Variants in TUSC3 observed in about 807,000 individuals in gnomAD.
TUSC3 encodes the protein tumor suppressor candidate 3, also known as dolichyl-diphosphooligosaccharide--protein glycosyltransferase subunit TUSC3.
A neutral mutation model predicts 44.8 loss-of-function variants in TUSC3; 45 were observed. That is an observed-to-expected ratio of 1.00 (90% CI 0.79 to 1.29). The LOEUF (loss-of-function observed/expected upper bound fraction) is 1.29, where lower values mean the gene tolerates loss of function less well. Ranked by LOEUF, TUSC3 falls within the 50% of genes most tolerant of loss-of-function variation. The probability of loss-of-function intolerance (pLI) is 0.00; values close to 1 mark genes in which losing one functional copy is unlikely to be tolerated. For missense variants in TUSC3, 519 were observed against 437.9 expected, an observed-to-expected ratio of 1.19 and a Z score of -1.65; for synonymous variants, 212 against 152.9, an observed-to-expected ratio of 1.39 and a Z score of -2.85.
At chr8:15,751,253 A>G (rs1811689360) in intron 9 of TUSC3, among the ~76,000 whole-genome samples, 1 of 152,178 alleles carries the variant, frequency 6.6e-6, no homozygotes. Flanking sequence ...AGACAATTAA[A>G]AAAAAACCTA....
chr8:15,759,263 AT>A, intron 10 of TUSC3, among the ~76,000 whole-genome samples: 1 of 152,112 alleles, frequency 6.6e-6, no homozygotes, highest in South Asian at 2.1e-4. Context: ...ACCCACCCAC[AT>A]AAGTGATGTG....
chr8:15,850,239 T>A, the TUSC3 span, among the ~76,000 whole-genome samples: 27 of 152,254 alleles, frequency 1.8e-4, 1 homozygote, highest in East Asian at 5.2e-3. Flanking sequence ...TCACTTAGTA[T>A]TATGTAACAT....
At chr8:15,739,148 G>C (rs2898423) in intron 7 of TUSC3, among the ~76,000 whole-genome samples, 7 of 151,668 alleles carry the variant, frequency 4.6e-5, no homozygotes, top group Non-Finnish European at 1.0e-4. Context: ...TTGTTATTAA[G>C]AATTTTTGTC....
At chr8:15,609,376 C>A (rs551309178) in intron 1 of TUSC3, among the ~76,000 whole-genome samples, 2 of 152,246 alleles carry the variant, frequency 1.3e-5, no homozygotes, top group South Asian at 2.1e-4. Context: ...TTGTCTGGAT[C>A]TGTATTCCCA....
the TUSC3 span, among the ~76,000 whole-genome samples, chr8:15,834,093 T>C: frequency 2.6e-5 from 4 of 152,178 alleles, no homozygotes; most frequent in African/African-American, 9.6e-5. Context: ...TATAGTACTC[T>C]TCCCGACTCT....
chr8:15,743,577 C>G lies in TUSC3; in HGVS notation c.902C>G (p.Ala301Gly). ...ITMGMVLLNEAATSKGDVGKR... is the reference protein window; with the variant it reads ...ITMGMVLLNEGATSKGDVGKR... ...ATGGGGATGGTTCTTCTAAATGAAG[C>G]AGCAACTTCGAAAGGCGATGTTGGA... Residue 301 changes from alanine to glycine, a missense_variant, in exon 8 of 11, where the codon GCA becomes GGA. Physicochemically the swap from Ala to Gly is moderately conservative, Grantham distance 60. Coordinates refer to ENST00000503731, the MANE Select transcript of TUSC3 (RefSeq NM_006765.4). 6.2e-7 allele frequency: 1 copy of G among 1,613,910 alleles called. No individual in the cohort carries two copies. The highest frequency in any genetic ancestry group is 1.3e-5 in the African/African-American group (1 of 75,022).
chr8:15,515,900 ACCTTGTGATCCACCTT>A (rs1801210461), intron 2 of TUSC3, among the ~76,000 whole-genome samples: 1 of 151,856 alleles, frequency 6.6e-6, no homozygotes. Context: ...TGAATTCCTG[ACCTTGTGATCCACCTT>A]CCTTGGCCTC....
the TUSC3 span, among the ~76,000 whole-genome samples, chr8:15,776,367 C>G: frequency 6.6e-6 from 1 of 151,970 alleles, no homozygotes; most frequent in Non-Finnish European, 1.5e-5. Context: ...AAGAAACACA[C>G]GTCTTACCAT....
At position 15,688,124 on chromosome 8, in the gene TUSC3, T is replaced by C. The variant is rs376076888; in HGVS notation, c.798+14288T>C. Among the ~76,000 whole-genome samples the C allele has an allele frequency of 1.8e-4, 27 of 152,244 alleles. No homozygotes were observed. In the East Asian group the frequency reaches 4.1e-3, roughly 23 times the overall value. ...CCTATTAGGAAAATTGTGTAGTACA[T>C]TGGAAAGAGTCCTGTGGTCTTAAAA... is the stretch of plus-strand genomic sequence containing the variant. On this transcript the variant is annotated intron_variant, in intron 6 of 10. Coordinates refer to ENST00000503731, the MANE Select transcript of TUSC3 (RefSeq NM_006765.4).
chr8:15,734,173 A>G (rs1810838907), intron 7 of TUSC3, among the ~76,000 whole-genome samples: 1 of 152,234 alleles, frequency 6.6e-6, no homozygotes, highest in African/African-American at 2.4e-5. Context: ...AATTACAAAT[A>G]CCAGATGATT....
chr8:15,439,247 A>G (rs1467825788), intron 1 of TUSC3, among the ~76,000 whole-genome samples: 1 of 152,198 alleles, frequency 6.6e-6, no homozygotes, highest in African/African-American at 2.4e-5. Context: ...TAATCAGCCA[A>G]CTAAATTACA....
intron 10 of TUSC3, among the ~76,000 whole-genome samples, chr8:15,760,863 A>G (rs922778522): frequency 2.0e-5 from 3 of 152,114 alleles, no homozygotes; most frequent in Admixed American, 6.6e-5. Context: ...TTCCTCATCC[A>G]GTTTCTTCGG....
At chr8:15,512,400 T>C (rs1801149438) in intron 2 of TUSC3, among the ~76,000 whole-genome samples, 2 of 152,090 alleles carry the variant, frequency 1.3e-5, no homozygotes, top group Admixed American at 1.3e-4. Context: ...TCTTCCTGAG[T>C]CTCCTGTCTG....
intron 1 of TUSC3, among the ~76,000 whole-genome samples, chr8:15,451,139 G>A (rs1399182354): frequency 2.6e-5 from 4 of 152,076 alleles, no homozygotes; most frequent in Non-Finnish European, 4.4e-5. Flanking sequence ...TCAAGTATGT[G>A]GTTGTGATAT....
chr8:15,508,836 C>T (rs1037700790), intron 2 of TUSC3, among the ~76,000 whole-genome samples: 1 of 152,166 alleles, frequency 6.6e-6, no homozygotes, highest in African/African-American at 2.4e-5. Context: ...GTGTATTGAG[C>T]TTACTCTGCT....
chr8:15,459,412 C>A (rs990036243), intron 1 of TUSC3, among the ~76,000 whole-genome samples: 24 of 151,748 alleles, frequency 1.6e-4, no homozygotes, highest in African/African-American at 5.6e-4. Context: ...ACACTTTAAC[C>A]AATAAAATAA....
chr8:15,667,783 A>G (rs542172128), intron 5 of TUSC3, among the ~76,000 whole-genome samples: 4 of 151,914 alleles, frequency 2.6e-5, no homozygotes, highest in South Asian at 2.1e-4. Context: ...TTTAAATACA[A>G]TGTGAAATGT....
rs906600030 is a variant in TUSC3 at position 15,649,695 on chromosome 8, T to A, written c.309-1002T>A. Among the ~76,000 whole-genome samples, 5 of 152,310 alleles carry A rather than the reference T, an allele frequency of 3.3e-5. 2 individuals are homozygous for A. In the South Asian group the frequency reaches 1.0e-3, roughly 32 times the overall value. On this transcript the variant is annotated intron_variant, in intron 2 of 10. Coordinates refer to ENST00000503731, the MANE Select transcript of TUSC3 (RefSeq NM_006765.4). ...AATCTAATGTTTTTCTAGCTTCTTA[T>A]TGCACTGCAATCTCCTTTGAGAGTC...
the TUSC3 span, among the ~76,000 whole-genome samples, chr8:15,779,184 G>A: frequency 3.3e-4 from 49 of 147,432 alleles, no homozygotes; most frequent in Non-Finnish European, 4.9e-4. Context: ...AAATACTGTC[G>A]CCAGTAGTAT....
Sources: allele counts gnomAD v4.1 joint callset (sites outside exome capture counted in the v4.1 genomes callset), GRCh38; gene constraint gnomAD v4.1.1; transcripts MANE v1.5; gene names NCBI Gene and HGNC (gene_info 2026-07-23, HGNC 2026-07-21).